The following CTBP2 variants were observed in gnomAD, a reference collection of about 807,000 sequenced individuals.
CTBP2 encodes the protein C-terminal-binding protein 2.
A neutral mutation model predicts 80.3 loss-of-function variants in CTBP2; 30 were observed. That is an observed-to-expected ratio of 0.37 (90% CI 0.28 to 0.51). The LOEUF (loss-of-function observed/expected upper bound fraction) is 0.51. Among genes scored for constraint, CTBP2 ranks in the 20% least tolerant of loss-of-function variants. The pLI, the probability that CTBP2 is intolerant of heterozygous loss-of-function variation, is 0.93. For missense variants in CTBP2, 1,212 were observed against 1,375.3 expected (o/e 0.88, Z 1.88); for synonymous variants, 594 against 587.4 (o/e 1.01, Z -0.16).
At chr10:125,065,455 C>G (rs1300271632) in intron 2 of CTBP2, among the ~76,000 whole-genome samples, 2 of 152,138 alleles carry the variant, frequency 1.3e-5, no homozygotes, top group African/African-American at 4.8e-5. Context: ...GAAGGAAGAG[C>G]AAAGCCCGCA....
rs1246614734 is a variant in CTBP2 at position 124,986,287 on chromosome 10, G to GCACACACACACACA, written c.*3230_*3231insTGTGTGTGTGTGTG. On this transcript the variant is annotated 3_prime_UTR_variant, in exon 9 of 9. Coordinates refer to ENST00000309035, the MANE Select transcript of CTBP2 (RefSeq NM_022802.3). ...GGAAAGACGACACACGCACGCGCGC[G>GCACACACACACACA]CGCGCACACACACACACACACACAC... 12 of 73,022 alleles carry GCACACACACACACA rather than the reference G, an allele frequency of 1.6e-4. No individual in the cohort carries two copies. The highest frequency in any genetic ancestry group is 5.1e-4 in the African/African-American group (12 of 23,688). The allele number at this position is 73,022 out of a possible 1,614,324, so 4.5% of individuals were successfully genotyped here. A position where few individuals can be genotyped will look rare whatever the true frequency, so the allele number is the denominator to read the frequency against.
chr10:125,081,682 A>T (rs78204455), intron 2 of CTBP2, among the ~76,000 whole-genome samples: 3 of 152,174 alleles, frequency 2.0e-5, no homozygotes, highest in African/African-American at 7.2e-5. Flanking sequence ...GAAAAAAAAA[A>T]TAGACATGAA....
intron 3 of CTBP2, among the ~76,000 whole-genome samples, chr10:125,037,525 G>C (rs565514681): frequency 6.6e-6 from 1 of 152,350 alleles, no homozygotes; most frequent in African/African-American, 2.4e-5. Flanking sequence ...CTGTGGAATA[G>C]TCTACAAATC....
intron 2 of CTBP2, among the ~76,000 whole-genome samples, chr10:125,078,047 A>G (rs934455173): frequency 5.9e-5 from 9 of 152,092 alleles, no homozygotes; most frequent in Admixed American, 4.6e-4. Flanking sequence ...TTGGGAGGCC[A>G]AGACGGGCAG....
intron 1 of CTBP2, among the ~76,000 whole-genome samples, chr10:125,153,165 G>A (rs1311874814): frequency 6.6e-6 from 1 of 152,222 alleles, no homozygotes; most frequent in African/African-American, 2.4e-5. Context: ...GACAATGTTG[G>A]GCTTCCCAGG....
In CTBP2 at chr10:124,994,628, T is replaced by C. The variant is rs74341800; in HGVS notation, c.2241A>G (p.Ile747Met). 2 of 1,614,004 alleles carry C rather than the reference T, an allele frequency of 1.2e-6. No homozygotes were observed. The highest frequency in any genetic ancestry group is 1.3e-5 in the African/African-American group (1 of 74,934). The change falls in exon 5 of 9, where the codon ATA (isoleucine) becomes ATG (methionine). Residue 747 changes from isoleucine to methionine, a missense_variant. Around this residue, in one of 3 missense-constraint regions of CTBP2, gnomAD observed 335 missense variants for 504.7 expected, o/e 0.66. Coordinates refer to ENST00000309035, the MANE Select transcript of CTBP2 (RefSeq NM_022802.3). ...CATCCTGCAAGTAGGGGTCATAAAA[T>C]ATGACGCTGAATCCAAAGGCCTTGG...
chr10:125,123,650 CA>C (rs1451703095), intron 1 of CTBP2, among the ~76,000 whole-genome samples: 2 of 152,230 alleles, frequency 1.3e-5, no homozygotes, highest in Non-Finnish European at 2.9e-5. Context: ...ACTGCTTACG[CA>C]CTCAACTGGG....
At chr10:125,082,378 G>A (rs188190367) in intron 2 of CTBP2, among the ~76,000 whole-genome samples, 138 of 152,298 alleles carry the variant, frequency 9.1e-4, no homozygotes, top group African/African-American at 3.0e-3. Context: ...TCTCTCTGGA[G>A]AAGACAAAAA....
chr10:125,000,325 C>G (rs1954283095), intron 3 of CTBP2: 1 of 152,256 alleles, frequency 6.6e-6, no homozygotes, highest in Non-Finnish European at 1.5e-5. Flanking sequence ...AGCCTCCCTT[C>G]TGGATGAGTC....
chr10:124,993,448 A>G, intron 6 of CTBP2, 119 bp from the exon 9 acceptor site: 5 of 1,124,608 alleles, frequency 4.4e-6, no homozygotes, highest in Non-Finnish European at 6.2e-6. Context: ...GCATGGATAC[A>G]GGAACATCTG....
intron 2 of CTBP2, among the ~76,000 whole-genome samples, chr10:125,091,824 G>A (rs1848806435): frequency 6.6e-6 from 1 of 152,086 alleles, no homozygotes; most frequent in Non-Finnish European, 1.5e-5. Flanking sequence ...TGGGGAGGAG[G>A]AGTGGGTATG....
At chr10:125,160,351 G>A (rs1861736966) in exon 1 of CTBP2, 1 of 152,344 alleles carries the variant, frequency 6.6e-6, no homozygotes. Context: ...CACGGCGAAA[G>A]GCGCCCACCC....
Position 125,026,680 on chromosome 10 carries a change from CCGGTCCTGCCTCCGCAGCTGCATTT to C in CTBP2, c.1055_1079del (p.Glu352GlyfsTer88), listed in dbSNP as rs751570891. The C allele has an allele frequency of 9.3e-6, 15 of 1,608,590 alleles. No homozygotes were observed. In the African/African-American group the frequency reaches 1.7e-4, roughly 19 times the overall value. ...ACCGCGCCCGGGGCAGCGGGCCCCC[CCGGTCCTGCCTCCGCAGCTGCATTT>C]CGGTCCTGCAGCTATTGGCCAGGCG... is the stretch of plus-strand genomic sequence containing the variant. On this transcript the variant is annotated frameshift_variant, in exon 1 of 9. Coordinates refer to ENST00000309035, the MANE Select transcript of CTBP2 (RefSeq NM_022802.3). LOFTEE classifies it high-confidence loss of function.
At chr10:125,031,624 T>C (rs936579835), upstream of CTBP2, among the ~76,000 whole-genome samples, 1 of 150,892 alleles carries the variant, frequency 6.6e-6, no homozygotes, top group Non-Finnish European at 1.5e-5. Flanking sequence ...AATGCACTGG[T>C]TACATAGCAA....
rs967108961 is a variant in CTBP2 at position 124,987,790 on chromosome 10, G to A, written c.*1728C>T. The A allele has an allele frequency of 6.6e-5, 10 of 152,140 alleles. No individual in the cohort carries two copies. The highest frequency in any genetic ancestry group is 2.2e-4 in the African/African-American group (9 of 41,414). The allele number at this position is 152,140 out of a possible 1,614,324, so 9.4% of individuals were successfully genotyped here. ...GTTTTAATTGGGAAGGGAAGTATAA[G>A]GAAGAGCTCAGAGGGAGTTTCATAC... On this transcript the variant is annotated 3_prime_UTR_variant, in exon 9 of 9. Coordinates refer to ENST00000309035, the MANE Select transcript of CTBP2 (RefSeq NM_022802.3).
At chr10:125,022,951 T>C (rs1455220680) in intron 1 of CTBP2, among the ~76,000 whole-genome samples, 3 of 152,192 alleles carry the variant, frequency 2.0e-5, no homozygotes, top group African/African-American at 7.2e-5. Flanking sequence ...CAGATTCTGA[T>C]AGGGCTAAAA....
chr10:125,018,295 C>T (rs1288404045), intron 1 of CTBP2, among the ~76,000 whole-genome samples: 6 of 152,094 alleles, frequency 3.9e-5, no homozygotes, highest in Non-Finnish European at 7.4e-5. Context: ...GAGGCTGAGG[C>T]GGGGGGATCA....
Position 124,998,121 on chromosome 10 carries a change from G to T in CTBP2, c.2028C>A (p.Asp676Glu), listed in dbSNP as rs772014667. Residue 676 changes from aspartate to glutamate, a missense_variant, in exon 4 of 9, where the codon GAC becomes GAA. Coordinates refer to ENST00000309035, the MANE Select transcript of CTBP2 (RefSeq NM_022802.3). Reference sequence around the variant, plus strand: ...GGTTGAGGATGTGGCAGATGGTAGAGTCCGCTGTCTCTTCCACGGCTGCAG... The same window carrying T: ...GGTTGAGGATGTGGCAGATGGTAGATTCCGCTGTCTCTTCCACGGCTGCAG... 1 of 1,612,170 alleles carries T rather than the reference G, an allele frequency of 6.2e-7. No homozygotes were observed. Among genetic ancestry groups the T allele is most frequent in the African/African-American group, 1.3e-5 (1 of 75,068 alleles).
intron 3 of CTBP2, 64 bp downstream of exon 5, chr10:125,002,896 C>T (rs1200233960): frequency 2.5e-6 from 4 of 1,584,902 alleles, no homozygotes; most frequent in Admixed American, 3.4e-5. Flanking sequence ...TTCTCCAAGC[C>T]CACCCGAGCA....
Sources: gnomAD v4.1 joint callset for allele counts (sites outside exome capture counted in the v4.1 genomes callset) on GRCh38, gnomAD v4.1.1 for gene constraint, gnomAD v4.1.1 regional missense constraint, MANE v1.5 for transcripts, NCBI Gene and HGNC (gene_info 2026-07-23, HGNC 2026-07-21) for gene names.